ETS1: variants seen among roughly 807,000 people sequenced by gnomAD.
ETS1 encodes ETS proto-oncogene 1, transcription factor, also known as protein C-ets-1.
A neutral mutation model predicts 58.6 loss-of-function variants in ETS1; 15 were observed. The ratio of observed to expected loss-of-function variants is 0.26; its 90% CI spans 0.17 to 0.39. The LOEUF is 0.39. Among genes scored for constraint, ETS1 ranks in the 10% least tolerant of loss-of-function variants. ETS1 has a pLI of 1.00. For synonymous variants in ETS1, 214 were observed against 218.2 expected (o/e 0.98, Z 0.17); for missense variants, 417 against 610.5 (o/e 0.68, Z 3.34).
intron 1 of ETS1, among the ~76,000 whole-genome samples, chr11:128,573,938 A>C (rs11221356): frequency 0.42 from 63,609 of 152,054 alleles, 13,686 homozygotes; most frequent in Non-Finnish European, 0.46. Flanking sequence ...AGGCATACCA[A>C]TCAGAGGCCA....
At chr11:128,559,149 G>C (rs1864363945) in intron 2 of ETS1, among the ~76,000 whole-genome samples, 2 of 152,314 alleles carry the variant, frequency 1.3e-5, no homozygotes, top group African/African-American at 4.8e-5. Context: ...TACAGGCCCT[G>C]CTAGGGTGGT....
In ETS1 at chr11:128,536,074, A is replaced by G. The variant is rs562522071; in HGVS notation, c.214+20217T>C. Among the ~76,000 whole-genome samples, 186 of 152,354 alleles carry G rather than the reference A, an allele frequency of 1.2e-3. 1 individual carries two copies. The highest frequency in any genetic ancestry group is 0.011 in the South Asian group (51 of 4,828). On this transcript the variant is annotated intron_variant, in intron 3 of 9. Coordinates refer to ENST00000392668, the MANE Select transcript of ETS1 (RefSeq NM_001143820.2). Reference sequence around the variant, plus strand: ...AAGTTCTTTATTACTCTCCCTTACCACAGTGTGCCTCCATTCTCAGATGTT... The same window carrying G: ...AAGTTCTTTATTACTCTCCCTTACCGCAGTGTGCCTCCATTCTCAGATGTT...
intron 1 of ETS1, among the ~76,000 whole-genome samples, chr11:128,576,623 G>T (rs866022421): frequency 4.6e-5 from 7 of 152,100 alleles, no homozygotes; most frequent in Non-Finnish European, 4.4e-5. Context: ...CACCTGAGCC[G>T]CAGGATAAGT....
chr11:128,499,882 T>TGGGCAAATGAAAAATCTGGGC (rs1256409010), intron 3 of ETS1, among the ~76,000 whole-genome samples: 1 of 152,050 alleles, frequency 6.6e-6, no homozygotes, highest in Non-Finnish European at 1.5e-5. Flanking sequence ...GTTTTCTCCA[T>TGGGCAAATGAAAAATCTGGGC]GGGCAAATGA....
intron 3 of ETS1, among the ~76,000 whole-genome samples, chr11:128,525,031 A>G (rs894172997): frequency 1.3e-4 from 7 of 55,264 alleles, no homozygotes; most frequent in African/African-American, 4.2e-4. Context: ...GCACTCAGGA[A>G]AAAAAAAAAT....
chr11:128,586,856 G>A (rs146376018), intron 1 of ETS1, among the ~76,000 whole-genome samples: 84 of 152,260 alleles, frequency 5.5e-4, no homozygotes, highest in Admixed American at 9.2e-4. Flanking sequence ...CAGCTCTACC[G>A]TGGGGACAAG....
chr11:128,522,417 C>G, intron 3 of ETS1: 8 of 921,932 alleles, frequency 8.7e-6, no homozygotes, highest in South Asian at 5.0e-5. Context: ...CTGGGCCGGG[C>G]GATGTCCGCT....
chr11:128,511,706 T>C (rs531223582), intron 3 of ETS1, among the ~76,000 whole-genome samples: 4 of 152,366 alleles, frequency 2.6e-5, no homozygotes, highest in African/African-American at 7.2e-5. Flanking sequence ...CTAACGTTTA[T>C]TAATAACATC....
chr11:128,562,773 C>T (rs767986028), intron 2 of ETS1, among the ~76,000 whole-genome samples: 1 of 152,170 alleles, frequency 6.6e-6, no homozygotes. Flanking sequence ...GTTTGTGACC[C>T]TTCCCTAGCA....
chr11:128,467,749 C>T (rs998266114), intron 8 of ETS1, among the ~76,000 whole-genome samples: 2 of 152,126 alleles, frequency 1.3e-5, no homozygotes, highest in African/African-American at 2.4e-5. Context: ...CGATGCTGCC[C>T]GGGAGTGTCA....
intron 7 of ETS1, 76 bp downstream of exon 7, chr11:128,484,746 AT>A: frequency 2.9e-6 from 4 of 1,397,664 alleles, no homozygotes; most frequent in Non-Finnish European, 3.9e-6. Flanking sequence ...GAAAAAAAAA[AT>A]GGAACCTGAA....
chr11:128,486,486 G>A (rs1862635439), intron 5 of ETS1, among the ~76,000 whole-genome samples: 1 of 152,156 alleles, frequency 6.6e-6, no homozygotes, highest in Non-Finnish European at 1.5e-5. Flanking sequence ...ATAGCCAAAG[G>A]CTTGAGTACA....
At chr11:128,465,063 C>T (rs1356415375) in intron 8 of ETS1, among the ~76,000 whole-genome samples, 1 of 152,124 alleles carries the variant, frequency 6.6e-6, no homozygotes, top group African/African-American at 2.4e-5. Context: ...GGGCAACCTC[C>T]AATGAAGTAA....
chr11:128,567,776 G>T (rs1162134750), intron 2 of ETS1, among the ~76,000 whole-genome samples: 4 of 152,114 alleles, frequency 2.6e-5, no homozygotes, highest in African/African-American at 7.2e-5. Context: ...GGAATTACAG[G>T]CGTCCAATAC....
At chr11:128,514,491 C>G (rs115707795) in intron 3 of ETS1, among the ~76,000 whole-genome samples, 30 of 152,108 alleles carry the variant, frequency 2.0e-4, no homozygotes, top group Non-Finnish European at 3.7e-4. Flanking sequence ...GAAAATAATC[C>G]TTTCCCTGTT....
chr11:128,521,517 G>A (rs1203951890), intron 3 of ETS1, among the ~76,000 whole-genome samples: 4 of 152,140 alleles, frequency 2.6e-5, no homozygotes, highest in Admixed American at 2.6e-4. Flanking sequence ...CAGTTCTATG[G>A]GGGACGTGGA....
chr11:128,486,642 T>C (rs755418732), intron 5 of ETS1, among the ~76,000 whole-genome samples: 1 of 152,216 alleles, frequency 6.6e-6, no homozygotes, highest in African/African-American at 2.4e-5. Context: ...TTTTTCCCAT[T>C]GCCCTCAGGT....
chr11:128,544,340 A>ATATATATAT, intron 3 of ETS1, among the ~76,000 whole-genome samples: 1 of 117,064 alleles, frequency 8.5e-6, no homozygotes, highest in Admixed American at 9.1e-5. Flanking sequence ...ATTGTTTACT[A>ATATATATAT]ATATATATAT....
intron 2 of ETS1, among the ~76,000 whole-genome samples, chr11:128,564,423 G>A (rs1864456222): frequency 6.6e-6 from 1 of 152,230 alleles, no homozygotes; most frequent in Non-Finnish European, 1.5e-5. Flanking sequence ...GGGTTGTAGA[G>A]AAGGGGATGT....
Sources: gnomAD v4.1 joint callset for allele counts (sites outside exome capture counted in the v4.1 genomes callset) on GRCh38, gnomAD v4.1.1 for gene constraint, MANE v1.5 for transcripts, NCBI Gene and HGNC (gene_info 2026-07-23, HGNC 2026-07-21) for gene names.